MAP4K4: variants seen among roughly 807,000 people sequenced by gnomAD.
The protein encoded by MAP4K4 is HPK/GCK-like kinase HGK.
A neutral mutation model predicts 189.6 loss-of-function variants in MAP4K4; 38 were observed. The observed-to-expected ratio is 0.20, with a 90% CI of 0.15 to 0.26. The LOEUF (loss-of-function observed/expected upper bound fraction) is 0.26. Among genes scored for constraint, MAP4K4 ranks in the 10% least tolerant of loss-of-function variants. MAP4K4 has a pLI of 1.00. For missense variants in MAP4K4, 1,054 were observed against 1,726.9 expected (o/e 0.61, Z 6.91); for synonymous variants, 610 against 624.3 (o/e 0.98, Z 0.34).
chr2:101,735,604 G>A (rs2060026439), intron 2 of MAP4K4, among the ~76,000 whole-genome samples: 1 of 152,116 alleles, frequency 6.6e-6, no homozygotes, highest in South Asian at 2.1e-4. Context: ...AAGGTGGGCT[G>A]GGGCCTGCCC....
chr2:101,759,049 C>T (rs965638017), intron 2 of MAP4K4, among the ~76,000 whole-genome samples: 7 of 151,140 alleles, frequency 4.6e-5, no homozygotes, highest in Non-Finnish European at 1.0e-4. Context: ...AGGAGAATGG[C>T]GTAAACCCGG....
At chr2:101,775,054 T>A (rs914152546) in intron 2 of MAP4K4, among the ~76,000 whole-genome samples, 25 of 147,874 alleles carry the variant, frequency 1.7e-4, no homozygotes, top group Non-Finnish European at 2.2e-4. Flanking sequence ...TTTTTTTTTT[T>A]AAAGGGGCTG....
intron 3 of MAP4K4, among the ~76,000 whole-genome samples, chr2:101,792,700 A>G (rs151282012): frequency 4.7e-4 from 70 of 150,052 alleles, no homozygotes; most frequent in African/African-American, 1.7e-3. Flanking sequence ...CTGTGGTGCA[A>G]TCTCTGCTCA....
chr2:101,720,481 C>T (rs1448876748), intron 2 of MAP4K4, among the ~76,000 whole-genome samples: 1 of 152,154 alleles, frequency 6.6e-6, no homozygotes, highest in East Asian at 1.9e-4. Context: ...AGCCTCTATG[C>T]ATCTCCCTCG....
intron 2 of MAP4K4, among the ~76,000 whole-genome samples, chr2:101,774,498 T>C (rs935234241): frequency 5.3e-5 from 8 of 152,176 alleles, no homozygotes; most frequent in African/African-American, 1.9e-4. Flanking sequence ...ATATTGTCTC[T>C]CATTCTGTGG....
At chr2:101,799,349 A>G (rs1310801715) in intron 3 of MAP4K4, among the ~76,000 whole-genome samples, 1 of 152,176 alleles carries the variant, frequency 6.6e-6, no homozygotes, top group Non-Finnish European at 1.5e-5. Context: ...TAAAGACATT[A>G]AAGTATCACT....
At chr2:101,754,805 G>A (rs1343276547) in intron 2 of MAP4K4, among the ~76,000 whole-genome samples, 1 of 152,190 alleles carries the variant, frequency 6.6e-6, no homozygotes, top group Non-Finnish European at 1.5e-5. Flanking sequence ...ATGTTGGAGC[G>A]AGAAAGGCTT....
At chr2:101,768,615 T>C (rs924019042) in intron 2 of MAP4K4, among the ~76,000 whole-genome samples, 9 of 152,302 alleles carry the variant, frequency 5.9e-5, no homozygotes, top group African/African-American at 1.9e-4. Context: ...CAAATAACAG[T>C]GTACACAGTG....
At chr2:101,803,161 G>A (rs1271873665) in intron 3 of MAP4K4, among the ~76,000 whole-genome samples, 1 of 152,014 alleles carries the variant, frequency 6.6e-6, no homozygotes, top group African/African-American at 2.4e-5. Flanking sequence ...AAACACTGTC[G>A]AATGAACAGT....
intron 15 of MAP4K4, 73 bp downstream of exon 15, chr2:101,859,937 T>G (rs1160807817): frequency 1.4e-6 from 2 of 1,404,136 alleles, no homozygotes; most frequent in East Asian, 5.0e-5. Context: ...CTGTGTCATA[T>G]GAGTTCTAGA....
At chr2:101,737,441 ATATATATATATATATATATATT>A (rs1182464804) in intron 2 of MAP4K4, among the ~76,000 whole-genome samples, 2 of 32,660 alleles carry the variant, frequency 6.1e-5, no homozygotes, top group Admixed American at 4.3e-4. Flanking sequence ...ATATATATAT[ATATATATATATATATATATATT>A]TTTTTTTTTT....
intron 8 of MAP4K4, 112 bp downstream of exon 8, chr2:101,834,575 GT>G: frequency 1.3e-6 from 1 of 788,636 alleles, no homozygotes; most frequent in Middle Eastern, 2.3e-4. Flanking sequence ...CTGGTGGACT[GT>G]TTAGATGAAG....
chr2:101,755,783 G>T (rs185370712), intron 2 of MAP4K4, among the ~76,000 whole-genome samples: 143 of 152,208 alleles, frequency 9.4e-4, no homozygotes, highest in African/African-American at 3.4e-3. Context: ...GTCTTGGACA[G>T]AGTACTTTGT....
chr2:101,822,574 T>C (rs1329724075), intron 3 of MAP4K4, among the ~76,000 whole-genome samples: 1 of 152,224 alleles, frequency 6.6e-6, no homozygotes, highest in Non-Finnish European at 1.5e-5. Flanking sequence ...ATCTAATTAA[T>C]GATGTTGCAG....
intron 28 of MAP4K4, among the ~76,000 whole-genome samples, chr2:101,883,983 G>A (rs895064396): frequency 1.3e-5 from 2 of 152,194 alleles, no homozygotes; most frequent in East Asian, 1.9e-4. Flanking sequence ...AAGGCTAAAT[G>A]TAATGAAACA....
chr2:101,748,047 T>A (rs565023148), intron 2 of MAP4K4, among the ~76,000 whole-genome samples: 7 of 152,354 alleles, frequency 4.6e-5, no homozygotes, highest in African/African-American at 1.4e-4. Flanking sequence ...ATATCAGTTG[T>A]ATACATTGTA....
exon 18 of MAP4K4, chr2:101,864,959 T>C: frequency 1.9e-6 from 3 of 1,578,340 alleles, no homozygotes; most frequent in Non-Finnish European, 2.6e-6. Context: ...CTCGCTCCCC[T>C]GTTCTGTCCC....
chr2:101,844,362 T>C (rs2097020117), intron 12 of MAP4K4, 51 bp downstream of exon 12: 1 of 1,465,016 alleles, frequency 6.8e-7, no homozygotes, highest in South Asian at 1.2e-5. Flanking sequence ...TTTCTGCATT[T>C]ACACTGGTAG....
At chr2:101,817,172 A>G (rs1255997702) in intron 3 of MAP4K4, among the ~76,000 whole-genome samples, 7 of 152,094 alleles carry the variant, frequency 4.6e-5, no homozygotes, top group Non-Finnish European at 8.8e-5. Flanking sequence ...ACTTGTACCC[A>G]TGGTATTTTG....
Sources: gnomAD v4.1 joint callset for allele counts (sites outside exome capture counted in the v4.1 genomes callset) on GRCh38, gnomAD v4.1.1 for gene constraint, MANE v1.5 for transcripts, NCBI Gene and HGNC (gene_info 2026-07-23, HGNC 2026-07-21) for gene names.